The following ABCD3 variants were observed in gnomAD, a reference collection of about 807,000 sequenced individuals.
The protein encoded by ABCD3 is ATP-binding cassette sub-family D member 3.
ABCD3 carries 41 observed loss-of-function variants against 105.5 expected under a neutral mutation model. That is an observed-to-expected ratio of 0.39 (90% confidence interval 0.30 to 0.50). The LOEUF (loss-of-function observed/expected upper bound fraction) is 0.50, where lower values mean the gene tolerates loss of function less well. Ranked by LOEUF, ABCD3 falls within the 20% of genes least tolerant of loss-of-function variation. The pLI is 0.84. For synonymous variants in ABCD3, 258 were observed against 269.0 expected (o/e 0.96, Z 0.40); for missense variants, 622 against 806.3 (o/e 0.77, Z 2.77).
chr1:94,511,123 C>T (rs1570842091), intron 21 of ABCD3, among the ~76,000 whole-genome samples: 10 of 151,944 alleles, frequency 6.6e-5, no homozygotes, highest in Admixed American at 6.6e-4. Flanking sequence ...TTTGCAGCGG[C>T]TGGTACCAGT....
chr1:94,499,459 T>C, intron 19 of ABCD3, 36 bp from the exon 20 acceptor site: 6 of 1,601,226 alleles, frequency 3.7e-6, no homozygotes, highest in Non-Finnish European at 5.1e-6. Flanking sequence ...TGGCTTATAT[T>C]AAGTTTAATT....
chr1:94,459,451 A>G lies in ABCD3; in HGVS notation c.147+808A>G, dbSNP rs183970681. ...GCATGGAATATATCAGCATGATTAC[A>G]TTTCTTGATATGAATACAATATTGC... On this transcript the variant is annotated intron_variant, in intron 2 of 22. Transcript: ENST00000370214. Among the ~76,000 whole-genome samples, 7 of 152,258 alleles carry G rather than the reference A, an allele frequency of 4.6e-5. No individual in the cohort carries two copies. In the East Asian group the frequency reaches 1.4e-3, roughly 29 times the overall value.
At chr1:94,504,474 CATT>C (rs1404847885) in intron 20 of ABCD3, among the ~76,000 whole-genome samples, 4 of 152,082 alleles carry the variant, frequency 2.6e-5, no homozygotes, top group African/African-American at 4.8e-5. Flanking sequence ...CCTGAGATGA[CATT>C]ATAAGCAGAA....
chr1:94,465,485 T>C (rs1648092224), intron 3 of ABCD3, among the ~76,000 whole-genome samples: 1 of 152,202 alleles, frequency 6.6e-6, no homozygotes, highest in Non-Finnish European at 1.5e-5. Flanking sequence ...TTCTGAAGTA[T>C]TATTTCATTT....
At chr1:94,454,473 ATAT>A (rs1647444346) in intron 1 of ABCD3, among the ~76,000 whole-genome samples, 1 of 152,108 alleles carries the variant, frequency 6.6e-6, no homozygotes, top group South Asian at 2.1e-4. Flanking sequence ...TAAAAATCAG[ATAT>A]TCAAGTCAGG....
rs1648981138 is a variant in ABCD3 at position 94,480,491 on chromosome 1, G to A, written c.712G>A (p.Val238Ile). The A allele has an allele frequency of 1.2e-6, 2 of 1,613,860 alleles. No homozygotes were observed. Among genetic ancestry groups the A allele is most frequent in the Non-Finnish European group, 1.7e-6 (2 of 1,179,846 alleles). The change falls in exon 9 of 23, where the codon GTT (valine) becomes ATT (isoleucine). Residue 238 changes from valine to isoleucine, a missense_variant. Val to Ile is a conservative substitution (Grantham distance 29). Around this residue, in one of 4 missense-constraint regions of ABCD3, gnomAD observed 245 missense variants for 356.4 expected, o/e 0.69. Transcript: ENST00000370214. Reference protein sequence around the residue: ...QGPASMMAYLVVSGLFLTRLR... With the variant: ...QGPASMMAYLIVSGLFLTRLR... ...CCCAGCGAGCATGATGGCCTACTTGGTTGTTTCTGGGCTATTCCTAACTCG... is the reference window on the plus strand; with the variant it reads ...CCCAGCGAGCATGATGGCCTACTTGATTGTTTCTGGGCTATTCCTAACTCG...
chr1:94,472,168 T>G (rs1220276557), intron 4 of ABCD3: 1 of 937,930 alleles, frequency 1.1e-6, no homozygotes, highest in East Asian at 1.2e-4. Context: ...TTATTTTTTT[T>G]GCAGTGGAAT....
chr1:94,518,036 A>G lies in ABCD3; in HGVS notation c.*907A>G, dbSNP rs1651008148. 1 of 151,916 alleles carries G rather than the reference A, an allele frequency of 6.6e-6. No individual in the cohort carries two copies. Among genetic ancestry groups the G allele is most frequent in the Non-Finnish European group, 1.5e-5 (1 of 67,846 alleles). The allele number at this position is 151,916 out of a possible 1,614,324, so 9.4% of individuals were successfully genotyped here. On this transcript the variant is annotated 3_prime_UTR_variant, in exon 23 of 23. Transcript: ENST00000370214. ...CACTACATGAAATAATGCACTGAGT[A>G]TGCAATGCTATCACTGTCTTTGACT...
chr1:94,450,431 G>A (rs529768315), intron 1 of ABCD3, among the ~76,000 whole-genome samples: 17 of 152,308 alleles, frequency 1.1e-4, no homozygotes, highest in African/African-American at 3.8e-4. Context: ...TGGGTTTACC[G>A]GAATGAGGGC....
upstream of ABCD3, among the ~76,000 whole-genome samples, chr1:94,415,517 C>T (rs1486267464): frequency 6.6e-6 from 1 of 152,112 alleles, no homozygotes; most frequent in Non-Finnish European, 1.5e-5. Flanking sequence ...CTCTAAAATC[C>T]TAGACTGTTA....
At chr1:94,408,525 A>G in the ABCD3 span, among the ~76,000 whole-genome samples, 1 of 151,958 alleles carries the variant, frequency 6.6e-6, no homozygotes, top group Non-Finnish European at 1.5e-5. Context: ...ACTCAGGAGA[A>G]AGAGGTTGCA....
intron 22 of ABCD3, among the ~76,000 whole-genome samples, chr1:94,516,404 A>G (rs1356071067): frequency 6.6e-6 from 1 of 151,998 alleles, no homozygotes; most frequent in African/African-American, 2.4e-5. Flanking sequence ...TTGAATAACT[A>G]GAAATCAAAG....
chr1:94,466,587 C>A (rs1013675998), intron 3 of ABCD3, among the ~76,000 whole-genome samples: 1 of 152,118 alleles, frequency 6.6e-6, no homozygotes, highest in Non-Finnish European at 1.5e-5. Flanking sequence ...ACATCCTGTA[C>A]GTCCCCACAA....
chr1:94,476,848 C>A (rs952628266), intron 7 of ABCD3, among the ~76,000 whole-genome samples: 4 of 152,030 alleles, frequency 2.6e-5, no homozygotes, highest in African/African-American at 9.7e-5. Flanking sequence ...GCTTTCTTTT[C>A]TGTTCCCATT....
chr1:94,404,738 A>G, the ABCD3 span, among the ~76,000 whole-genome samples: 2 of 152,174 alleles, frequency 1.3e-5, no homozygotes, highest in South Asian at 4.1e-4. Flanking sequence ...ATATGTATAT[A>G]TCTTTATTTT....
intron 2 of ABCD3, among the ~76,000 whole-genome samples, chr1:94,464,217 G>A (rs1443814942): frequency 6.6e-6 from 1 of 152,156 alleles, no homozygotes; most frequent in Admixed American, 6.5e-5. Context: ...TGAATTTTAT[G>A]AGGAAGAGAG....
chr1:94,469,011 G>A (rs927116193), intron 4 of ABCD3, among the ~76,000 whole-genome samples: 9 of 152,148 alleles, frequency 5.9e-5, no homozygotes, highest in African/African-American at 2.2e-4. Flanking sequence ...TTTAATCAAA[G>A]TAATATATGA....
In ABCD3 at chr1:94,517,315, C is replaced by T; in HGVS notation, c.*186C>T. On this transcript the variant is annotated 3_prime_UTR_variant, in exon 23 of 23. Coordinates refer to ENST00000370214, the MANE Select transcript of ABCD3 (RefSeq NM_002858.4). Reference sequence around the variant, plus strand: ...ACATTTAATATTATATAGGATATTGCTAATTGTGTATATGTTGGTTTAATT... The same window carrying T: ...ACATTTAATATTATATAGGATATTGTTAATTGTGTATATGTTGGTTTAATT... 1 of 537,906 alleles carries T rather than the reference C, an allele frequency of 1.9e-6. No individual in the cohort carries two copies. The highest frequency in any genetic ancestry group is 3.1e-5 in the Admixed American group (1 of 32,418). 33.3% of individuals were successfully genotyped at this position (537,906 alleles called of 1,614,324 possible). A position where few individuals can be genotyped will look rare whatever the true frequency, so the allele number is the denominator to read the frequency against.
chr1:94,507,506 A>G (rs1170252990), intron 21 of ABCD3, among the ~76,000 whole-genome samples: 1 of 152,094 alleles, frequency 6.6e-6, no homozygotes, highest in Non-Finnish European at 1.5e-5. Context: ...GTATACACCC[A>G]GTAATGGGAT....
Sources: gnomAD v4.1 joint callset for allele counts (sites outside exome capture counted in the v4.1 genomes callset) on GRCh38, gnomAD v4.1.1 for gene constraint, gnomAD v4.1.1 regional missense constraint, MANE v1.5 for transcripts, NCBI Gene and HGNC (gene_info 2026-07-23, HGNC 2026-07-21) for gene names.